Variants in ARHGAP24 observed in about 807,000 individuals in gnomAD.
ARHGAP24 encodes the protein Rho GTPase activating protein 24.
Under a neutral mutation model 76.4 loss-of-function variants are expected in ARHGAP24, and 50 were observed. That is an observed-to-expected ratio of 0.65 (90% CI 0.52 to 0.83). The LOEUF is 0.83. Ranked by LOEUF, ARHGAP24 falls within the 40% of genes least tolerant of loss-of-function variation. The pLI is 0.00. For missense variants in ARHGAP24, 930 were observed against 914.2 expected (o/e 1.02, Z -0.22); for synonymous variants, 345 against 323.3 (o/e 1.07, Z -0.72).
chr4:85,547,468 C>T (rs188771646), intron 1 of ARHGAP24, among the ~76,000 whole-genome samples: 93 of 152,034 alleles, frequency 6.1e-4, no homozygotes, highest in African/African-American at 2.2e-3. Context: ...CAGAATCTCT[C>T]TCTGTCACCT....
intron 3 of ARHGAP24, among the ~76,000 whole-genome samples, chr4:85,822,889 A>G (rs1359958215): frequency 1.3e-5 from 2 of 152,158 alleles, no homozygotes; most frequent in African/African-American, 4.8e-5. Context: ...ATATTTCCTT[A>G]TATTATAGGA....
chr4:85,621,526 G>A (rs1720718863), intron 2 of ARHGAP24, among the ~76,000 whole-genome samples: 1 of 151,970 alleles, frequency 6.6e-6, no homozygotes, highest in Non-Finnish European at 1.5e-5. Context: ...ATAATATTGA[G>A]CATTTTTTCA....
chr4:85,628,929 T>C (rs1721065940), intron 2 of ARHGAP24, among the ~76,000 whole-genome samples: 1 of 152,252 alleles, frequency 6.6e-6, no homozygotes, highest in South Asian at 2.1e-4. Flanking sequence ...TTGTTATTTA[T>C]CCATTCAGCT....
intron 2 of ARHGAP24, among the ~76,000 whole-genome samples, chr4:85,634,808 G>A (rs902304796): frequency 1.9e-4 from 29 of 151,730 alleles, no homozygotes; most frequent in African/African-American, 6.5e-4. Context: ...TAGAATTATT[G>A]CCACCCTTTG....
chr4:85,518,994 G>A (rs184008368), intron 1 of ARHGAP24, among the ~76,000 whole-genome samples: 30 of 152,104 alleles, frequency 2.0e-4, no homozygotes, highest in Admixed American at 1.1e-3. Flanking sequence ...CAGTGTAGAC[G>A]TGTTCCCTGT....
intron 3 of ARHGAP24, among the ~76,000 whole-genome samples, chr4:85,898,168 G>A (rs1345596084): frequency 6.6e-6 from 1 of 150,752 alleles, no homozygotes; most frequent in African/African-American, 2.4e-5. Context: ...CCTTTGGAAT[G>A]CCTTCTTATT....
At chr4:85,662,088 C>A (rs1232875996) in intron 2 of ARHGAP24, among the ~76,000 whole-genome samples, 7 of 152,198 alleles carry the variant, frequency 4.6e-5, no homozygotes, top group Non-Finnish European at 8.8e-5. Context: ...TGAGGAATCG[C>A]CACACTGACT....
At chr4:85,605,317 C>T (rs1720157725) in intron 2 of ARHGAP24, among the ~76,000 whole-genome samples, 1 of 152,054 alleles carries the variant, frequency 6.6e-6, no homozygotes, top group Non-Finnish European at 1.5e-5. Context: ...AGAGTTTAAT[C>T]TAATATACTC....
At chr4:85,725,899 G>T (rs1187799371) in intron 3 of ARHGAP24, among the ~76,000 whole-genome samples, 1 of 152,122 alleles carries the variant, frequency 6.6e-6, no homozygotes, top group Non-Finnish European at 1.5e-5. Flanking sequence ...GCCCAGCAAG[G>T]TCAGTGGCTT....
At chr4:85,797,152 ATTTTTTTTGTTT>A (rs774388072) in intron 3 of ARHGAP24, among the ~76,000 whole-genome samples, 67 of 136,714 alleles carry the variant, frequency 4.9e-4, no homozygotes, top group Middle Eastern at 3.8e-3. Flanking sequence ...AGGAAAAAAA[ATTTTTTTTGTTT>A]TTTTTTTTGT....
intron 2 of ARHGAP24, among the ~76,000 whole-genome samples, chr4:85,708,773 A>G (rs1014820266): frequency 1.3e-5 from 2 of 152,154 alleles, no homozygotes; most frequent in African/African-American, 4.8e-5. Flanking sequence ...CAGAGCTCAA[A>G]TCGCCTAAGA....
intron 1 of ARHGAP24, among the ~76,000 whole-genome samples, chr4:85,530,745 G>GT (rs1560521635): frequency 1.3e-5 from 2 of 152,060 alleles, no homozygotes; most frequent in Admixed American, 6.5e-5. Flanking sequence ...AGAATATCTA[G>GT]TTTTTTCTGT....
intron 3 of ARHGAP24, among the ~76,000 whole-genome samples, chr4:85,811,075 A>G (rs151279744): frequency 6.6e-6 from 1 of 152,262 alleles, no homozygotes; most frequent in African/African-American, 2.4e-5. Flanking sequence ...ATGTAATTCT[A>G]TCAATATTTT....
At chr4:85,956,413 C>G (rs193143989) in intron 5 of ARHGAP24, among the ~76,000 whole-genome samples, 1 of 152,084 alleles carries the variant, frequency 6.6e-6, no homozygotes, top group Non-Finnish European at 1.5e-5. Context: ...CCTTGTTACC[C>G]GGGGGTTCTT....
intron 1 of ARHGAP24, among the ~76,000 whole-genome samples, chr4:85,538,414 C>T (rs4327478): frequency 0.12 from 18,770 of 151,742 alleles, 3,275 homozygotes; most frequent in African/African-American, 0.39. Context: ...CATGCAAAAC[C>T]CTATAATATA....
At chr4:85,719,772 G>A (rs1158110834) in intron 2 of ARHGAP24, among the ~76,000 whole-genome samples, 1 of 152,078 alleles carries the variant, frequency 6.6e-6, no homozygotes, top group African/African-American at 2.4e-5. Context: ...GTTTAACGAG[G>A]GAGATGGACT....
intron 3 of ARHGAP24, among the ~76,000 whole-genome samples, chr4:85,727,412 G>A (rs75498807): frequency 0.13 from 19,994 of 151,824 alleles, 1,796 homozygotes; most frequent in East Asian, 0.36. Flanking sequence ...ATACAAATAG[G>A]CACTAGATAG....
chr4:85,663,113 T>C (rs1428363287), intron 2 of ARHGAP24, among the ~76,000 whole-genome samples: 3 of 151,794 alleles, frequency 2.0e-5, no homozygotes, highest in Non-Finnish European at 2.9e-5. Context: ...TCGGGCAGTG[T>C]GGCCATTTTC....
chr4:85,922,264 A>G (rs1428269290), intron 3 of ARHGAP24, among the ~76,000 whole-genome samples: 1 of 152,210 alleles, frequency 6.6e-6, no homozygotes, highest in Admixed American at 6.5e-5. Flanking sequence ...TCAATGCTAG[A>G]ATAGTTGTCC....
Sources: gnomAD v4.1 joint callset for allele counts (sites outside exome capture counted in the v4.1 genomes callset) on GRCh38, gnomAD v4.1.1 for gene constraint, MANE v1.5 for transcripts, NCBI Gene and HGNC (gene_info 2026-07-23, HGNC 2026-07-21) for gene names.